The following SPATA16 variants were observed in gnomAD, a reference collection of about 807,000 sequenced individuals.
The protein encoded by SPATA16 is spermatogenesis-associated protein 16.
A neutral mutation model predicts 63.3 loss-of-function variants in SPATA16; 36 were observed. The ratio of observed to expected loss-of-function variants is 0.57; its 90% CI spans 0.44 to 0.75. SPATA16 has a LOEUF of 0.75. SPATA16 is among the 30% of genes least tolerant of loss of function. The pLI, the probability that SPATA16 is intolerant of heterozygous loss-of-function variation, is 0.00. For synonymous variants in SPATA16, 203 were observed against 216.7 expected (o/e 0.94, Z 0.56); for missense variants, 646 against 679.3 (o/e 0.95, Z 0.54).
rs570960184 is a variant in SPATA16 at position 172,975,275 on chromosome 3, G to T, written c.933+1693C>A. On this transcript the variant is annotated intron_variant, in intron 5 of 10. Transcript: ENST00000351008. The stretch of plus-strand genomic sequence containing the variant: ...AATTTTTATTTACGAAACTTCCAAG[G>T]TCTTACTTTGTCTTAGGTTATGCTG... Among the ~76,000 whole-genome samples, 172 of 152,210 alleles carry T rather than the reference G, an allele frequency of 1.1e-3. 1 individual carries two copies. The highest frequency in any genetic ancestry group is 4.0e-3 in the African/African-American group (168 of 41,558).
At chr3:172,964,330 A>T (rs1263620470) in intron 5 of SPATA16, among the ~76,000 whole-genome samples, 2 of 152,202 alleles carry the variant, frequency 1.3e-5, no homozygotes, top group African/African-American at 4.8e-5. Flanking sequence ...AACTTAAAGT[A>T]TGTTCTTGTT....
intron 2 of SPATA16, among the ~76,000 whole-genome samples, chr3:173,083,660 C>T (rs537283476): frequency 1.3e-5 from 2 of 152,114 alleles, no homozygotes; most frequent in Non-Finnish European, 2.9e-5. Flanking sequence ...CCCCGAAAGG[C>T]CCCAGTGTGT....
chr3:172,918,725 C>T (rs1457592302), intron 8 of SPATA16, among the ~76,000 whole-genome samples: 1 of 152,078 alleles, frequency 6.6e-6, no homozygotes, highest in African/African-American at 2.4e-5. Context: ...CCCAGTGAGA[C>T]TTCAGGAATG....
intron 2 of SPATA16, among the ~76,000 whole-genome samples, chr3:173,063,496 T>C (rs1270387363): frequency 6.6e-6 from 1 of 152,128 alleles, no homozygotes; most frequent in African/African-American, 2.4e-5. Flanking sequence ...AAGGCCTTGG[T>C]TAGTAGCAGT....
At chr3:173,122,205 A>G (rs1259620365) in intron 1 of SPATA16, among the ~76,000 whole-genome samples, 1 of 152,298 alleles carries the variant, frequency 6.6e-6, no homozygotes. Context: ...ATACAAGTAC[A>G]AGGAACAAAG....
intron 6 of SPATA16, among the ~76,000 whole-genome samples, chr3:172,956,172 AAAACCTAAT>A (rs1733589291): frequency 6.6e-6 from 1 of 152,124 alleles, no homozygotes; most frequent in Non-Finnish European, 1.5e-5. Flanking sequence ...AAAAGGGGAA[AAAACCTAAT>A]ACCAGTTGTT....
chr3:173,075,942 A>G (rs1321188216), intron 2 of SPATA16, among the ~76,000 whole-genome samples: 1 of 152,204 alleles, frequency 6.6e-6, no homozygotes, highest in East Asian at 1.9e-4. Context: ...CCTAACACAA[A>G]GAAATGACAA....
chr3:172,954,078 C>G (rs1733513973), intron 6 of SPATA16, among the ~76,000 whole-genome samples: 1 of 152,166 alleles, frequency 6.6e-6, no homozygotes, highest in Admixed American at 6.5e-5. Flanking sequence ...TTCTTAAATT[C>G]TATCTACAAG....
intron 2 of SPATA16, among the ~76,000 whole-genome samples, chr3:173,052,432 G>A (rs1286153148): frequency 6.6e-6 from 1 of 152,174 alleles, no homozygotes; most frequent in Non-Finnish European, 1.5e-5. Flanking sequence ...CTTTATGTAT[G>A]TTTGTTGAAT....
At chr3:173,040,849 G>A (rs1175264972) in intron 3 of SPATA16, among the ~76,000 whole-genome samples, 4 of 152,052 alleles carry the variant, frequency 2.6e-5, no homozygotes, top group African/African-American at 4.8e-5. Flanking sequence ...CCTGCCACAC[G>A]GTGGGTGTTC....
intron 7 of SPATA16, 118 bp from the exon 8 acceptor site, chr3:172,924,435 T>C: frequency 1.3e-6 from 1 of 768,614 alleles, no homozygotes; most frequent in South Asian, 1.6e-5. Context: ...ATCTTTAGTA[T>C]AGAAACTAGT....
At chr3:172,964,306 T>C in intron 5 of SPATA16, among the ~76,000 whole-genome samples, 1 of 152,324 alleles carries the variant, frequency 6.6e-6, no homozygotes, top group Middle Eastern at 3.4e-3. Flanking sequence ...AAAACATATA[T>C]AACTTATAAA....
intron 2 of SPATA16, among the ~76,000 whole-genome samples, chr3:173,074,711 A>G (rs1469079230): frequency 6.6e-6 from 1 of 152,132 alleles, no homozygotes; most frequent in Non-Finnish European, 1.5e-5. Flanking sequence ...CTGGGGACTG[A>G]TAGATGGGGG....
At chr3:172,900,091 T>C (rs1732096365) in intron 10 of SPATA16, among the ~76,000 whole-genome samples, 1 of 152,218 alleles carries the variant, frequency 6.6e-6, no homozygotes, top group African/African-American at 2.4e-5. Context: ...CAGAAAACTT[T>C]CTTAAGCTAT....
At chr3:173,018,226 T>C (rs1019902132) in intron 4 of SPATA16, among the ~76,000 whole-genome samples, 2 of 152,178 alleles carry the variant, frequency 1.3e-5, no homozygotes, top group African/African-American at 4.8e-5. Context: ...AGGCAACTCC[T>C]GGGAACATCT....
chr3:173,074,575 C>T (rs1319973470), intron 2 of SPATA16, among the ~76,000 whole-genome samples: 3 of 152,076 alleles, frequency 2.0e-5, no homozygotes, highest in Admixed American at 1.3e-4. Flanking sequence ...ATTGTGAGAC[C>T]CCTGTCCCCA....
At chr3:172,993,415 T>A (rs1238434286) in intron 4 of SPATA16, among the ~76,000 whole-genome samples, 1 of 152,038 alleles carries the variant, frequency 6.6e-6, no homozygotes, top group Non-Finnish European at 1.5e-5. Flanking sequence ...TGTGGGCAAG[T>A]GGGTGGTCCT....
chr3:173,012,860 A>G (rs1735102453), intron 4 of SPATA16, among the ~76,000 whole-genome samples: 3 of 152,222 alleles, frequency 2.0e-5, no homozygotes, highest in Admixed American at 6.5e-5. Flanking sequence ...ACCATTCTAG[A>G]CATTGGCCTT....
At chr3:173,036,445 A>G (rs531210566) in intron 3 of SPATA16, among the ~76,000 whole-genome samples, 1 of 152,088 alleles carries the variant, frequency 6.6e-6, no homozygotes, top group East Asian at 1.9e-4. Context: ...ATGTGTCAAC[A>G]TTCAGAAATC....
Sources: allele counts gnomAD v4.1 joint callset (sites outside exome capture counted in the v4.1 genomes callset), GRCh38; gene constraint gnomAD v4.1.1; transcripts MANE v1.5; gene names NCBI Gene and HGNC (gene_info 2026-07-23, HGNC 2026-07-21).